The following ME2 variants were observed in gnomAD, a reference collection of about 807,000 sequenced individuals.
ME2 encodes malic enzyme 2.
ME2 carries 60 observed loss-of-function variants against 73.7 expected under a neutral mutation model. That is an observed-to-expected ratio of 0.81 (90% CI 0.66 to 1.01). ME2 has a LOEUF of 1.01. ME2 is among the 50% of genes least tolerant of loss of function. The probability of loss-of-function intolerance (pLI) is 0.00; values close to 1 mark genes in which losing one functional copy is unlikely to be tolerated. For missense variants in ME2, 594 were observed against 705.5 expected, an observed-to-expected ratio of 0.84 and a Z score of 1.79; for synonymous variants, 199 against 236.9, an observed-to-expected ratio of 0.84 and a Z score of 1.47.
Position 50,918,171 on chromosome 18 carries a change from A to C in ME2, c.692A>C (p.Tyr231Ser). 1 of 1,611,042 alleles carries C rather than the reference A, an allele frequency of 6.2e-7. No individual in the cohort carries two copies. The highest frequency in any genetic ancestry group is 8.5e-7 in the Non-Finnish European group (1 of 1,177,822). Residue 231 changes from tyrosine (Y) to serine (S), a missense_variant, in exon 7 of 16, where the codon TAT becomes TCT. Physicochemically the swap from Tyr to Ser is moderately radical, Grantham distance 144 (BLOSUM62 -2). Coordinates refer to ENST00000321341, the MANE Select transcript of ME2 (RefSeq NM_002396.5). ...CAGAAACGAGATCGCACACAACAGT[A>C]TGATGACCTGATTGATGAGTTTATG... is the stretch of plus-strand genomic sequence containing the variant. ...LYQKRDRTQQ[Y>S]DDLIDEFMKA...
rs541129336 is a variant in ME2, at chr18:50,940,189, A to G, written c.1489-99A>G. The stretch of plus-strand genomic sequence containing the variant: ...TTCAAGAAATAAGAGGAATTATATT[A>G]CCTGTTTTACTCTCTGTTTCCCCAA... On this transcript the variant is annotated intron_variant, in intron 14 of 15. Coordinates refer to ENST00000321341, the MANE Select transcript of ME2 (RefSeq NM_002396.5). 68 of 781,772 alleles carry G rather than the reference A, an allele frequency of 8.7e-5. No individual in the cohort carries two copies. In the South Asian group the frequency reaches 9.8e-4, roughly 11 times the overall value. The allele number at this position is 781,772 out of a possible 1,614,324, so 48.4% of individuals were successfully genotyped here. A position where few individuals can be genotyped will look rare whatever the true frequency, so the allele number is the denominator to read the frequency against.
chr18:50,919,985 C>G (rs1343896182), intron 7 of ME2, among the ~76,000 whole-genome samples: 1 of 152,102 alleles, frequency 6.6e-6, no homozygotes, highest in African/African-American at 2.4e-5. Flanking sequence ...GGGCCCACCT[C>G]CTTTTCAAGC....
rs1475430194 is a variant in ME2 at position 50,916,225 on chromosome 18, G to T, written c.450G>T (p.Trp150Cys). ...RGHVRSIVDN[W>C]PENHVKAVVV... Reference sequence around the variant, plus strand: ...ATGTTAGATCAATTGTGGATAACTGGCCAGAAAATCATGTTAAGGTACTAA... The same window carrying T: ...ATGTTAGATCAATTGTGGATAACTGTCCAGAAAATCATGTTAAGGTACTAA... The change falls in exon 5 of 16, where the codon TGG (tryptophan) becomes TGT (cysteine). Residue 150 changes from tryptophan to cysteine, a missense_variant. Coordinates refer to ENST00000321341, the MANE Select transcript of ME2 (RefSeq NM_002396.5). 10 of 1,612,094 alleles carry T rather than the reference G, an allele frequency of 6.2e-6. No homozygotes were observed. In the South Asian group the frequency reaches 8.8e-5, roughly 14 times the overall value.
chr18:50,881,296 C>G (rs1405986942), intron 1 of ME2, among the ~76,000 whole-genome samples: 1 of 152,034 alleles, frequency 6.6e-6, no homozygotes, highest in African/African-American at 2.4e-5. Flanking sequence ...TTCGGCCTCC[C>G]AAAGTGCTGG....
In ME2 at chr18:50,952,449, A is replaced by G. The variant is rs1162437842; in HGVS notation, c.*5265A>G. ...AATTGTGCATCTCAAAGAGAAAAGT[A>G]AATATGGAAATATGTTCATAGTTCA... On this transcript the variant is annotated 3_prime_UTR_variant, in exon 16 of 16. Coordinates refer to ENST00000321341, the MANE Select transcript of ME2 (RefSeq NM_002396.5). The G allele has an allele frequency of 1.3e-5, 2 of 152,228 alleles. No individual in the cohort carries two copies. Among genetic ancestry groups the G allele is most frequent in the African/African-American group, 4.8e-5 (2 of 41,466 alleles). The allele number at this position is 152,228 out of a possible 1,614,324, so 9.4% of individuals were successfully genotyped here.
rs770434462 is a variant in ME2 at position 50,920,452 on chromosome 18, T to G, written c.735-4T>G. On this transcript the variant is annotated splice_polypyrimidine_tract_variant and splice_region_variant and intron_variant, in intron 7 of 15. Transcript: ENST00000321341. ...ACAACTATTGTGGGTTTTGCTGTTT[T>G]TAGATATGGCCGGAACACACTCATT... 1 of 1,587,862 alleles carries G rather than the reference T, an allele frequency of 6.3e-7. No homozygotes were observed. The highest frequency in any genetic ancestry group is 8.5e-7 in the Non-Finnish European group (1 of 1,170,598).
At chr18:50,890,611 TTAAA>T (rs1177885612) in intron 1 of ME2, among the ~76,000 whole-genome samples, 1 of 152,210 alleles carries the variant, frequency 6.6e-6, no homozygotes, top group Non-Finnish European at 1.5e-5. Context: ...TATGAAACCT[TTAAA>T]TAACCTCTAA....
chr18:50,924,756 A>G (rs1917506735), intron 11 of ME2, among the ~76,000 whole-genome samples: 1 of 150,650 alleles, frequency 6.6e-6, no homozygotes, highest in African/African-American at 2.4e-5. Context: ...GAGTTGGCTC[A>G]CTGCAACTTC....
Position 50,939,612 on chromosome 18 carries a change from G to C in ME2, c.1460G>C (p.Ser487Thr). Residue 487 changes from serine to threonine, a missense_variant, in exon 14 of 16, where the codon AGT becomes ACT. Coordinates refer to ENST00000321341, the MANE Select transcript of ME2 (RefSeq NM_002396.5). ...AVILCNTRHI[S>T]DSVFLEAAKA... Reference sequence around the variant, plus strand: ...ATTCTCTGTAACACCCGGCATATTAGTGACAGTGTTTTCCTAGAAGCTGCA... The same window carrying C: ...ATTCTCTGTAACACCCGGCATATTACTGACAGTGTTTTCCTAGAAGCTGCA... 1 of 1,612,442 alleles carries C rather than the reference G, an allele frequency of 6.2e-7. No individual in the cohort carries two copies. The highest frequency in any genetic ancestry group is 8.5e-7 in the Non-Finnish European group (1 of 1,178,666).
intron 4 of ME2, among the ~76,000 whole-genome samples, chr18:50,913,860 T>TATATACACACACACACACAC (rs112137080): frequency 2.8e-5 from 4 of 143,178 alleles, no homozygotes; most frequent in African/African-American, 5.3e-5. Context: ...AGCAATATTA[T>TATATACACACACACACACAC]ACACACACAC....
At chr18:50,919,171 T>C (rs2144235574) in intron 7 of ME2, among the ~76,000 whole-genome samples, 1 of 152,310 alleles carries the variant, frequency 6.6e-6, no homozygotes, top group Non-Finnish European at 1.5e-5. Context: ...GTTTTCTAAT[T>C]CTTCCTCCAG....
intron 15 of ME2, among the ~76,000 whole-genome samples, chr18:50,941,075 T>C (rs952357909): frequency 6.6e-6 from 1 of 151,640 alleles, no homozygotes; most frequent in Admixed American, 6.6e-5. Context: ...CCAGCCAACA[T>C]GGTGAAACCC....
intron 12 of ME2, among the ~76,000 whole-genome samples, chr18:50,931,789 C>T (rs1346849786): frequency 6.6e-6 from 1 of 152,046 alleles, no homozygotes; most frequent in East Asian, 1.9e-4. Context: ...ATTCTCCCGC[C>T]TCAGGCTCCT....
chr18:50,890,887 G>A (rs1043634089), intron 1 of ME2, among the ~76,000 whole-genome samples: 2 of 152,138 alleles, frequency 1.3e-5, no homozygotes, highest in Non-Finnish European at 2.9e-5. Flanking sequence ...ACCCCTTCTA[G>A]CATGGCCAGG....
intron 1 of ME2, among the ~76,000 whole-genome samples, chr18:50,895,086 GAAAT>G (rs1217959017): frequency 2.6e-5 from 4 of 151,814 alleles, no homozygotes; most frequent in South Asian, 2.1e-4. Context: ...AATGTTTAAA[GAAAT>G]AAATAAGCAT....
At chr18:50,937,287 C>G (rs970976734) in intron 13 of ME2, among the ~76,000 whole-genome samples, 1 of 152,156 alleles carries the variant, frequency 6.6e-6, no homozygotes, top group African/African-American at 2.4e-5. Flanking sequence ...GGTGACTACC[C>G]TTCCTCAAAG....
At chr18:50,923,506 C>T (rs1030015468) in intron 10 of ME2, among the ~76,000 whole-genome samples, 2 of 152,042 alleles carry the variant, frequency 1.3e-5, no homozygotes, top group African/African-American at 4.8e-5. Context: ...GGTGGCTCAG[C>T]TTCCCACTTT....
At chr18:50,911,854 A>G (rs1236919267) in intron 3 of ME2, among the ~76,000 whole-genome samples, 1 of 152,194 alleles carries the variant, frequency 6.6e-6, no homozygotes, top group African/African-American at 2.4e-5. Flanking sequence ...AACAGAAATG[A>G]TCACAGTTAG....
chr18:50,897,274 GATAAAT>G (rs1238665839), intron 2 of ME2, among the ~76,000 whole-genome samples: 1 of 152,162 alleles, frequency 6.6e-6, no homozygotes, highest in Non-Finnish European at 1.5e-5. Context: ...GGGCGCATTT[GATAAAT>G]ATATTGGTTT....
Sources: gnomAD v4.1 joint callset for allele counts (sites outside exome capture counted in the v4.1 genomes callset) on GRCh38, gnomAD v4.1.1 for gene constraint, MANE v1.5 for transcripts, NCBI Gene and HGNC (gene_info 2026-07-23, HGNC 2026-07-21) for gene names.